GOLM2: variants seen among roughly 807,000 people sequenced by gnomAD.
The protein encoded by GOLM2 is protein GOLM2.
GOLM2 carries 26 observed loss-of-function variants against 55.9 expected under a neutral mutation model. The observed-to-expected ratio is 0.47, with a 90% CI of 0.34 to 0.65. GOLM2 has a LOEUF of 0.65. GOLM2 is among the 30% of genes least tolerant of loss of function. The probability of loss-of-function intolerance (pLI) is 0.01; values close to 1 mark genes in which losing one functional copy is unlikely to be tolerated. For synonymous variants in GOLM2, 165 were observed against 194.6 expected (o/e 0.85, Z 1.27); for missense variants, 486 against 531.8 (o/e 0.91, Z 0.85).
intron 4 of GOLM2, among the ~76,000 whole-genome samples, chr15:44,335,590 A>G (rs2079051036): frequency 6.6e-6 from 1 of 152,238 alleles, no homozygotes; most frequent in African/African-American, 2.4e-5. Context: ...ACAGACATGC[A>G]AGCTGGCTGC....
At chr15:44,389,734 T>C (rs1296826018) in intron 8 of GOLM2, among the ~76,000 whole-genome samples, 1 of 152,212 alleles carries the variant, frequency 6.6e-6, no homozygotes, top group African/African-American at 2.4e-5. Flanking sequence ...CAGGTTGTAC[T>C]GCATTAGCAC....
intron 6 of GOLM2, among the ~76,000 whole-genome samples, chr15:44,346,864 T>C (rs996982339): frequency 2.0e-5 from 3 of 152,228 alleles, no homozygotes; most frequent in Non-Finnish European, 4.4e-5. Context: ...GTGTAGTGGC[T>C]TACGCCTGTA....
chr15:44,345,225 T>C (rs990559120), intron 6 of GOLM2, among the ~76,000 whole-genome samples: 7 of 151,796 alleles, frequency 4.6e-5, no homozygotes, highest in Non-Finnish European at 8.8e-5. Context: ...TTCTCCTGCC[T>C]CAGCCTCCTG....
intron 1 of GOLM2, among the ~76,000 whole-genome samples, chr15:44,310,430 GTC>G (rs1362053724): frequency 5.0e-5 from 7 of 140,446 alleles, no homozygotes; most frequent in African/African-American, 8.1e-5. Flanking sequence ...CATAGTGAGA[GTC>G]TCTCTTTCTC....
chr15:44,343,834 A>T (rs558936113), intron 6 of GOLM2, among the ~76,000 whole-genome samples: 234 of 151,980 alleles, frequency 1.5e-3, no homozygotes, highest in Non-Finnish European at 2.6e-3. Context: ...AAAAAAAAAA[A>T]AAAAGAAAAA....
intron 8 of GOLM2, among the ~76,000 whole-genome samples, chr15:44,388,752 AT>A (rs2079466219): frequency 6.6e-6 from 1 of 152,112 alleles, no homozygotes; most frequent in Non-Finnish European, 1.5e-5. Flanking sequence ...GGCTCAAATC[AT>A]CCTCCTGCCT....
chr15:44,319,512 G>A (rs1413406518), intron 1 of GOLM2, among the ~76,000 whole-genome samples: 1 of 151,766 alleles, frequency 6.6e-6, no homozygotes, highest in Non-Finnish European at 1.5e-5. Flanking sequence ...GAGCCACCAC[G>A]CCTGGCCTTC....
chr15:44,402,774 A>G, intron 8 of GOLM2, 113 bp from the exon 9 acceptor site: 2 of 902,224 alleles, frequency 2.2e-6, no homozygotes, highest in Non-Finnish European at 3.4e-6. Context: ...TTTTATATCC[A>G]GTACCCCAAA....
chr15:44,368,303 ATT>A (rs1245673474), intron 6 of GOLM2, among the ~76,000 whole-genome samples: 6 of 115,648 alleles, frequency 5.2e-5, no homozygotes, highest in Non-Finnish European at 3.6e-5. Flanking sequence ...ACGCCCAGCT[ATT>A]TTTTTTTTTT....
chr15:44,371,981 C>T (rs1469971781), intron 6 of GOLM2, among the ~76,000 whole-genome samples: 32 of 152,066 alleles, frequency 2.1e-4, no homozygotes, highest in Non-Finnish European at 4.4e-5. Flanking sequence ...ACTTAGTCCC[C>T]ACATTGATCA....
intron 1 of GOLM2, chr15:44,307,954 T>C (rs2078849798): frequency 6.6e-6 from 1 of 152,108 alleles, no homozygotes; most frequent in African/African-American, 2.4e-5. Context: ...GAGTGTAATA[T>C]AAGGTACATG....
chr15:44,321,032 T>C (rs1284446652), intron 1 of GOLM2, among the ~76,000 whole-genome samples: 1 of 152,230 alleles, frequency 6.6e-6, no homozygotes, highest in East Asian at 1.9e-4. Flanking sequence ...CCCGGATCTC[T>C]GGATTCTTGT....
intron 6 of GOLM2, among the ~76,000 whole-genome samples, chr15:44,360,187 A>G (rs1482046412): frequency 3.3e-5 from 5 of 152,042 alleles, no homozygotes; most frequent in Admixed American, 2.6e-4. Context: ...GACAGGTTCA[A>G]ATTCACACAT....
At chr15:44,354,897 A>T (rs923227673) in intron 6 of GOLM2, 1 of 154,054 alleles carries the variant, frequency 6.5e-6, no homozygotes, top group African/African-American at 2.4e-5. Flanking sequence ...CAAGTTTGTC[A>T]TCAGTGGAAA....
At chr15:44,312,010 C>G (rs937200225) in intron 1 of GOLM2, among the ~76,000 whole-genome samples, 8 of 152,152 alleles carry the variant, frequency 5.3e-5, no homozygotes, top group African/African-American at 1.7e-4. Flanking sequence ...CTTGCATGTT[C>G]TTGGGAGAAT....
intron 1 of GOLM2, among the ~76,000 whole-genome samples, chr15:44,306,373 C>T (rs1567021319): frequency 2.0e-5 from 3 of 152,040 alleles, no homozygotes; most frequent in Non-Finnish European, 4.4e-5. Flanking sequence ...CTTCTTTACC[C>T]TTCACCCTTC....
At chr15:44,373,967 G>T (rs181079245) in intron 6 of GOLM2, among the ~76,000 whole-genome samples, 2 of 152,146 alleles carry the variant, frequency 1.3e-5, no homozygotes, top group East Asian at 3.9e-4. Flanking sequence ...TGGGCATGGT[G>T]GTGCACACCT....
intron 8 of GOLM2, among the ~76,000 whole-genome samples, chr15:44,391,728 T>A (rs2079491391): frequency 6.6e-6 from 1 of 152,194 alleles, no homozygotes; most frequent in Admixed American, 6.6e-5. Context: ...AAAACACTTC[T>A]ATACAAAACT....
chr15:44,321,457 G>A (rs1294177503), intron 1 of GOLM2, among the ~76,000 whole-genome samples: 1 of 100,838 alleles, frequency 9.9e-6, no homozygotes, highest in Non-Finnish European at 1.8e-5. Flanking sequence ...TGCAGAGTGA[G>A]AACATGTCTC....
Sources: allele counts gnomAD v4.1 joint callset (sites outside exome capture counted in the v4.1 genomes callset), GRCh38; gene constraint gnomAD v4.1.1; transcripts MANE v1.5; gene names NCBI Gene and HGNC (gene_info 2026-07-23, HGNC 2026-07-21).